EPHA4: variants seen among roughly 807,000 people sequenced by gnomAD.
EPHA4 encodes the protein EPH receptor A4.
EPHA4 carries 19 observed loss-of-function variants against 108.3 expected under a neutral mutation model. The ratio of observed to expected loss-of-function variants is 0.18; its 90% CI spans 0.12 to 0.26. EPHA4 has a LOEUF of 0.26. EPHA4 is among the 10% of genes least tolerant of loss of function. The pLI, the probability that EPHA4 is intolerant of heterozygous loss-of-function variation, is 1.00. For synonymous variants in EPHA4, 449 were observed against 455.5 expected (o/e 0.99, Z 0.18); for missense variants, 917 against 1,254.0 (o/e 0.73, Z 4.06).
chr2:221,491,398 C>A (rs761273016), intron 4 of EPHA4, among the ~76,000 whole-genome samples: 2 of 152,162 alleles, frequency 1.3e-5, no homozygotes, highest in African/African-American at 4.8e-5. Context: ...ACAATCTGAT[C>A]GCCAAAAACT....
At chr2:221,441,643 A>G (rs1690432597) in intron 11 of EPHA4, among the ~76,000 whole-genome samples, 1 of 152,132 alleles carries the variant, frequency 6.6e-6, no homozygotes, top group Non-Finnish European at 1.5e-5. Flanking sequence ...CGTGGATGAC[A>G]ACTGCTAAAA....
rs1559242576 is a variant in EPHA4 at position 221,442,947 on chromosome 2, G to A, written c.1956C>T (p.Ile652=). The stretch of plus-strand genomic sequence containing the variant: ...CTGTATAACCAGCTTTCAGAGTCTT[G>A]ATAGCCACACAGATCTCTCTCTTGC... ...VPGKREICVA[I]KTLKAGYTDK... is the part of the protein sequence containing the mutation. The change falls in exon 11 of 18, where the codon ATC becomes ATT. Residue 652 remains isoleucine, a synonymous_variant. Coordinates refer to ENST00000281821, the MANE Select transcript of EPHA4 (RefSeq NM_004438.5). 2 of 1,614,096 alleles carry A rather than the reference G, an allele frequency of 1.2e-6. No homozygotes were observed. The highest frequency in any genetic ancestry group is 1.7e-6 in the Non-Finnish European group (2 of 1,179,998).
intron 14 of EPHA4, among the ~76,000 whole-genome samples, chr2:221,432,150 T>C (rs1389558341): frequency 6.7e-6 from 1 of 149,896 alleles, no homozygotes; most frequent in East Asian, 1.9e-4. Context: ...TATGTGTGTA[T>C]ATATATATAA....
chr2:221,443,710 G>T, intron 9 of EPHA4, 104 bp from the exon 10 acceptor site: 1 of 787,980 alleles, frequency 1.3e-6, no homozygotes, highest in Non-Finnish European at 2.1e-6. Flanking sequence ...AGTCAAGTTA[G>T]CTGTACGGTC....
At chr2:221,486,677 T>C (rs1691982533) in intron 4 of EPHA4, among the ~76,000 whole-genome samples, 1 of 151,372 alleles carries the variant, frequency 6.6e-6, no homozygotes, top group South Asian at 2.1e-4. Flanking sequence ...GAGGTTGCAG[T>C]GAGCTGAGAT....
At chr2:221,548,285 A>T (rs1694058714) in intron 3 of EPHA4, among the ~76,000 whole-genome samples, 1 of 151,600 alleles carries the variant, frequency 6.6e-6, no homozygotes, top group South Asian at 2.1e-4. Flanking sequence ...TGAACTGGGG[A>T]GGTGAAGGTT....
intron 3 of EPHA4, among the ~76,000 whole-genome samples, chr2:221,540,554 C>T (rs762045279): frequency 5.3e-5 from 8 of 152,246 alleles, no homozygotes; most frequent in South Asian, 4.1e-4. Context: ...ATGCTCTGCA[C>T]GGGACTGGGA....
intron 3 of EPHA4, among the ~76,000 whole-genome samples, chr2:221,558,138 A>T (rs1694356377): frequency 6.6e-6 from 1 of 152,238 alleles, no homozygotes; most frequent in African/African-American, 2.4e-5. Context: ...ATGACAGTCA[A>T]GCATCATAAA....
In EPHA4 at chr2:221,418,158, A is replaced by C. The variant is rs1689634651; in HGVS notation, c.*3214T>G. On this transcript the variant is annotated 3_prime_UTR_variant, in exon 18 of 18. Transcript: ENST00000281821. ...AAATGACATAAGTTATGTGTACCTA[A>C]AGTTCATGAAGGGAAGAAAAATACC... The C allele has an allele frequency of 6.6e-6, 1 of 152,666 alleles. No individual in the cohort carries two copies. 9.5% of individuals were successfully genotyped at this position (152,666 alleles called of 1,614,324 possible).
chr2:221,462,877 T>C (rs916870675), intron 5 of EPHA4, among the ~76,000 whole-genome samples: 1 of 152,204 alleles, frequency 6.6e-6, no homozygotes, highest in Admixed American at 6.5e-5. Flanking sequence ...GATGAAGGTG[T>C]TGACAATTTG....
intron 3 of EPHA4, among the ~76,000 whole-genome samples, chr2:221,526,613 G>T (rs569501713): frequency 6.6e-6 from 1 of 151,778 alleles, no homozygotes; most frequent in South Asian, 2.1e-4. Context: ...TTGGGAGGCC[G>T]AGGTGGGCGG....
At chr2:221,548,904 C>T (rs555013035) in intron 3 of EPHA4, among the ~76,000 whole-genome samples, 1 of 152,248 alleles carries the variant, frequency 6.6e-6, no homozygotes, top group South Asian at 2.1e-4. Flanking sequence ...AGGTTTTGGC[C>T]TGTCAAAATG....
At chr2:221,566,812 A>AAGAAGG (rs1694646076) in intron 2 of EPHA4, among the ~76,000 whole-genome samples, 1 of 140,784 alleles carries the variant, frequency 7.1e-6, no homozygotes, top group African/African-American at 2.7e-5. Context: ...GGAGAAGAAG[A>AAGAAGG]AGAAGGAGAA....
At chr2:221,562,033 A>G (rs770927455) in intron 3 of EPHA4, among the ~76,000 whole-genome samples, 3 of 152,204 alleles carry the variant, frequency 2.0e-5, no homozygotes, top group Non-Finnish European at 4.4e-5. Flanking sequence ...AGTTGCCAGT[A>G]ACAATGCACT....
At chr2:221,489,140 C>A (rs1035070505) in intron 4 of EPHA4, among the ~76,000 whole-genome samples, 4 of 152,134 alleles carry the variant, frequency 2.6e-5, no homozygotes, top group African/African-American at 9.7e-5. Context: ...AGTCCAGGTA[C>A]CCTATGTACT....
At chr2:221,429,660 CT>C (rs1358078381) in intron 15 of EPHA4, among the ~76,000 whole-genome samples, 1 of 152,192 alleles carries the variant, frequency 6.6e-6, no homozygotes, top group Non-Finnish European at 1.5e-5. Flanking sequence ...CATTTCACCC[CT>C]CTTCCTAAAT....
At chr2:221,539,441 G>A (rs1056177152) in intron 3 of EPHA4, among the ~76,000 whole-genome samples, 1 of 152,146 alleles carries the variant, frequency 6.6e-6, no homozygotes, top group Non-Finnish European at 1.5e-5. Flanking sequence ...CAAAATGCTG[G>A]TGGGAGTTAG....
chr2:221,457,840 A>G (rs1475570725), intron 6 of EPHA4, 26 bp downstream of exon 6: 6 of 1,607,682 alleles, frequency 3.7e-6, no homozygotes, highest in East Asian at 2.2e-5. Flanking sequence ...AAGAAAGGAA[A>G]GGAGTGTTGT....
intron 3 of EPHA4, among the ~76,000 whole-genome samples, chr2:221,539,520 G>C (rs1021030890): frequency 1.3e-5 from 2 of 152,124 alleles, no homozygotes; most frequent in Admixed American, 6.5e-5. Flanking sequence ...CCAGCAGGAG[G>C]GCCTTTGGGG....
Sources: allele counts gnomAD v4.1 joint callset (sites outside exome capture counted in the v4.1 genomes callset), GRCh38; gene constraint gnomAD v4.1.1; transcripts MANE v1.5; gene names NCBI Gene and HGNC (gene_info 2026-07-23, HGNC 2026-07-21).